Variants in PEPD observed in about 807,000 individuals in gnomAD.
PEPD encodes the protein xaa-Pro dipeptidase.
Under a neutral mutation model 60.7 loss-of-function variants are expected in PEPD, and 53 were observed. The ratio of observed to expected loss-of-function variants is 0.87; its 90% CI spans 0.70 to 1.10. The LOEUF is 1.10. PEPD is among the 50% of genes least tolerant of loss of function. The probability of loss-of-function intolerance (pLI) is 0.00; values close to 1 mark genes in which losing one functional copy is unlikely to be tolerated. For synonymous variants in PEPD, 267 were observed against 284.1 expected (o/e 0.94, Z 0.60); for missense variants, 711 against 711.9 (o/e 1.00, Z 0.01).
intron 9 of PEPD, among the ~76,000 whole-genome samples, chr19:33,454,028 C>A (rs895918958): frequency 6.6e-6 from 1 of 152,138 alleles, no homozygotes; most frequent in Non-Finnish European, 1.5e-5. Flanking sequence ...CACCCAGCAC[C>A]CAATCTTGGT....
intron 2 of PEPD, chr19:33,511,387 CTG>C: frequency 3.9e-6 from 2 of 518,430 alleles, no homozygotes; most frequent in Non-Finnish European, 7.2e-6. Flanking sequence ...CTCCCTGATG[CTG>C]TGTCAGGCAT....
At chr19:33,396,990 G>A (rs1471615169) in intron 12 of PEPD, among the ~76,000 whole-genome samples, 1 of 152,126 alleles carries the variant, frequency 6.6e-6, no homozygotes, top group Non-Finnish European at 1.5e-5. Context: ...CACCATGCAT[G>A]CAGGGGTCTG....
chr19:33,387,603 G>C (rs573755608), intron 14 of PEPD, 122 bp from the exon 15 acceptor site: 13 of 1,320,126 alleles, frequency 9.8e-6, no homozygotes, highest in Non-Finnish European at 1.3e-5. Flanking sequence ...CCTGGGAGAC[G>C]GGTGGCCTCC....
At chr19:33,473,477 C>A (rs1367498855) in intron 7 of PEPD, among the ~76,000 whole-genome samples, 2 of 152,168 alleles carry the variant, frequency 1.3e-5, no homozygotes, top group African/African-American at 2.4e-5. Flanking sequence ...TTAATGCATG[C>A]AGGACACTTT....
chr19:33,391,203 C>A, intron 13 of PEPD, 92 bp downstream of exon 13: 1 of 1,026,360 alleles, frequency 9.7e-7, no homozygotes, highest in Non-Finnish European at 1.5e-6. Flanking sequence ...CCAATACACG[C>A]CTGCTGCCTC....
chr19:33,518,336 C>T (rs1194044376), intron 1 of PEPD, among the ~76,000 whole-genome samples: 1 of 152,150 alleles, frequency 6.6e-6, no homozygotes, highest in African/African-American at 2.4e-5. Flanking sequence ...CCCACCCGTC[C>T]CTAGCCCCCA....
chr19:33,520,249 G>C (rs1276286861), intron 1 of PEPD, among the ~76,000 whole-genome samples: 1 of 152,056 alleles, frequency 6.6e-6, no homozygotes, highest in African/African-American at 2.4e-5. Flanking sequence ...AGCCTAACCA[G>C]AGAGACAGCA....
chr19:33,478,412 A>G (rs1174607227), intron 6 of PEPD, among the ~76,000 whole-genome samples: 1 of 152,236 alleles, frequency 6.6e-6, no homozygotes, highest in Non-Finnish European at 1.5e-5. Flanking sequence ...GAAGGAAAGA[A>G]TGCAGAGAAA....
chr19:33,494,831 T>C (rs17226118), intron 4 of PEPD, among the ~76,000 whole-genome samples: 18,970 of 152,246 alleles, frequency 0.12, 1,620 homozygotes, highest in Non-Finnish European at 0.19. Flanking sequence ...GGCTGTAGAA[T>C]ACTCTCTTAA....
At chr19:33,413,456 G>A (rs1442242527) in intron 10 of PEPD, 119 bp downstream of exon 10, 2 of 686,300 alleles carry the variant, frequency 2.9e-6, no homozygotes, top group African/African-American at 3.5e-5. Flanking sequence ...CCGGGCGCTG[G>A]TGTGGGCGTG....
At chr19:33,439,539 G>C (rs968672552) in intron 9 of PEPD, among the ~76,000 whole-genome samples, 1 of 152,226 alleles carries the variant, frequency 6.6e-6, no homozygotes, top group Non-Finnish European at 1.5e-5. Flanking sequence ...AGCCTCCCCA[G>C]CTGCTCTCAC....
chr19:33,490,392 T>G (rs1970476312), intron 5 of PEPD, among the ~76,000 whole-genome samples: 1 of 152,218 alleles, frequency 6.6e-6, no homozygotes. Context: ...CCACTCCCAA[T>G]ATAAATCTGC....
intron 7 of PEPD, among the ~76,000 whole-genome samples, chr19:33,474,559 G>A (rs574407499): frequency 2.6e-5 from 4 of 152,134 alleles, no homozygotes; most frequent in East Asian, 3.9e-4. Context: ...ATGGTGGTGC[G>A]CACCTGTAGT....
At chr19:33,418,273 T>G (rs1326367402) in intron 9 of PEPD, among the ~76,000 whole-genome samples, 2 of 152,248 alleles carry the variant, frequency 1.3e-5, no homozygotes, top group Admixed American at 1.3e-4. Context: ...AATTGTGTCA[T>G]TAACGTGATA....
rs115956676 is a variant in PEPD at position 33,498,129 on chromosome 19, G to A, written c.393+2809C>T. Among the ~76,000 whole-genome samples the A allele has an allele frequency of 3.3e-3, 503 of 152,134 alleles. 4 individuals are homozygous for A. Among genetic ancestry groups the A allele is most frequent in the African/African-American group, 0.011 (461 of 41,504 alleles). On this transcript the variant is annotated intron_variant, in intron 4 of 14. Transcript: ENST00000244137. ...AGTGTTACTGGAGCCCACGTGGGCC[G>A]CCCCAGCATGAAGCGCTTGCTCTGC...
At chr19:33,512,015 C>G (rs1228276855) in intron 2 of PEPD, among the ~76,000 whole-genome samples, 1 of 152,212 alleles carries the variant, frequency 6.6e-6, no homozygotes, top group Non-Finnish European at 1.5e-5. Flanking sequence ...CCACACTCAG[C>G]TCCCCTTCGC....
intron 1 of PEPD, among the ~76,000 whole-genome samples, chr19:33,515,081 T>C (rs1484239524): frequency 6.6e-6 from 1 of 152,132 alleles, no homozygotes; most frequent in Non-Finnish European, 1.5e-5. Context: ...GTGGAAACAC[T>C]GGGAGATGGA....
chr19:33,485,399 G>A (rs780155748), intron 6 of PEPD, among the ~76,000 whole-genome samples: 7 of 151,120 alleles, frequency 4.6e-5, no homozygotes, highest in East Asian at 1.9e-4. Flanking sequence ...AGGCTGAGGC[G>A]GAAGAATCAT....
chr19:33,472,236 G>T (rs1157232126), intron 7 of PEPD, among the ~76,000 whole-genome samples: 3 of 152,034 alleles, frequency 2.0e-5, no homozygotes, highest in Non-Finnish European at 4.4e-5. Context: ...GCTGAGGCGG[G>T]AGGATGACCT....
Sources: gnomAD v4.1 joint callset for allele counts (sites outside exome capture counted in the v4.1 genomes callset) on GRCh38, gnomAD v4.1.1 for gene constraint, MANE v1.5 for transcripts, NCBI Gene and HGNC (gene_info 2026-07-23, HGNC 2026-07-21) for gene names.